The following TMEM117 variants were observed in gnomAD, a reference collection of about 807,000 sequenced individuals.
TMEM117 encodes transmembrane protein 117.
A neutral mutation model predicts 52.4 loss-of-function variants in TMEM117; 27 were observed. That is an observed-to-expected ratio of 0.51 (90% CI 0.38 to 0.71). TMEM117 has a LOEUF of 0.71. Among genes scored for constraint, TMEM117 ranks in the 30% least tolerant of loss-of-function variants. The probability of loss-of-function intolerance (pLI) is 0.00; values close to 1 mark genes in which losing one functional copy is unlikely to be tolerated. For missense variants in TMEM117, 556 were observed against 630.5 expected (o/e 0.88, Z 1.26); for synonymous variants, 215 against 206.3 (o/e 1.04, Z -0.36).
intron 6 of TMEM117, among the ~76,000 whole-genome samples, chr12:44,365,667 A>C (rs900910608): frequency 6.6e-6 from 1 of 152,064 alleles, no homozygotes; most frequent in Admixed American, 6.6e-5. Flanking sequence ...AATGCCTGGC[A>C]CAGAGAAAAT....
chr12:44,372,389 G>T (rs556830070), intron 6 of TMEM117, among the ~76,000 whole-genome samples: 1 of 152,114 alleles, frequency 6.6e-6, no homozygotes, highest in South Asian at 2.1e-4. Context: ...TATACAATCT[G>T]TATATAAAAC....
At chr12:44,040,382 GTTTC>G (rs1444219090) in intron 3 of TMEM117, among the ~76,000 whole-genome samples, 2 of 152,062 alleles carry the variant, frequency 1.3e-5, no homozygotes, top group Non-Finnish European at 2.9e-5. Flanking sequence ...CCACTGTTTA[GTTTC>G]TTTATGTTTT....
rs117051018 is a variant in TMEM117, at chr12:44,246,094, A to G, written c.608+34707A>G. ...ATGAGAATTATAAGCTCAGTTTCTC[A>G]AGCTGAGTCATATTACATTAACATT... On this transcript the variant is annotated intron_variant, in intron 5 of 7. Coordinates refer to ENST00000266534, the MANE Select transcript of TMEM117 (RefSeq NM_032256.3). Among the ~76,000 whole-genome samples the G allele has an allele frequency of 6.3e-3, 953 of 152,254 alleles. 4 individuals are homozygous for G. The highest frequency in any genetic ancestry group is 8.9e-3 in the Non-Finnish European group (605 of 67,974).
chr12:44,351,370 C>T lies in TMEM117; in HGVS notation c.769-25225C>T, dbSNP rs183794170. On this transcript the variant is annotated intron_variant, in intron 6 of 7. Coordinates refer to ENST00000266534, the MANE Select transcript of TMEM117 (RefSeq NM_032256.3). ...GAAGCTTTTTAAATTGATGTGATCC[C>T]GTCTTTCTATTTTTGCTTTGGTTTC... Among the ~76,000 whole-genome samples the T allele has an allele frequency of 1.6e-3, 244 of 151,846 alleles. 1 individual carries two copies. Among genetic ancestry groups the T allele is most frequent in the Non-Finnish European group, 1.4e-3 (98 of 67,918 alleles).
intron 4 of TMEM117, among the ~76,000 whole-genome samples, chr12:44,181,751 C>A (rs1191663465): frequency 4.0e-5 from 6 of 150,592 alleles, no homozygotes; most frequent in African/African-American, 1.2e-4. Flanking sequence ...GTTTTGGTTA[C>A]TGTAGCCTTG....
At chr12:44,196,446 C>G (rs1033912965) in intron 4 of TMEM117, among the ~76,000 whole-genome samples, 2 of 151,930 alleles carry the variant, frequency 1.3e-5, no homozygotes, top group Admixed American at 1.3e-4. Flanking sequence ...AAGATGTAAC[C>G]ATATGCTTCA....
chr12:44,290,031 C>G (rs377219879), intron 5 of TMEM117, among the ~76,000 whole-genome samples: 2 of 152,240 alleles, frequency 1.3e-5, no homozygotes, highest in East Asian at 3.9e-4. Context: ...TATTCACACC[C>G]CTTGCCCATT....
chr12:43,991,333 C>T lies in TMEM117; in HGVS notation c.410+46991C>T, dbSNP rs114094563. On this transcript the variant is annotated intron_variant, in intron 3 of 7. Transcript: ENST00000266534. ...TTGTTTCAAAATATCCTTGACAAAT[C>T]GTCACATAGTCTCCATTTGAGCACC... Among the ~76,000 whole-genome samples the T allele has an allele frequency of 2.3e-3, 347 of 152,226 alleles. 2 individuals carry two copies. Among genetic ancestry groups the T allele is most frequent in the African/African-American group, 7.4e-3 (309 of 41,550 alleles).
At chr12:44,000,173 T>C (rs1314282359) in intron 3 of TMEM117, among the ~76,000 whole-genome samples, 2 of 152,106 alleles carry the variant, frequency 1.3e-5, no homozygotes, top group African/African-American at 4.8e-5. Flanking sequence ...GGTGGTAAAC[T>C]CTGGGGCAAT....
At chr12:44,353,306 TC>T (rs1450512180) in intron 6 of TMEM117, among the ~76,000 whole-genome samples, 3 of 152,298 alleles carry the variant, frequency 2.0e-5, no homozygotes, top group Middle Eastern at 3.4e-3. Flanking sequence ...TTTAATTAGA[TC>T]CCATTTGTCA....
At chr12:44,203,882 T>G (rs1042496862) in intron 4 of TMEM117, among the ~76,000 whole-genome samples, 3 of 152,200 alleles carry the variant, frequency 2.0e-5, no homozygotes, top group African/African-American at 7.2e-5. Flanking sequence ...ATGGTTGATA[T>G]TAGAGTATGT....
chr12:44,363,548 A>C (rs2138815152), intron 6 of TMEM117, among the ~76,000 whole-genome samples: 1 of 152,330 alleles, frequency 6.6e-6, no homozygotes, highest in South Asian at 2.1e-4. Context: ...TAAACTACTG[A>C]CTTGAAAAAG....
intron 3 of TMEM117, among the ~76,000 whole-genome samples, chr12:43,974,241 T>G (rs1243991492): frequency 6.6e-6 from 1 of 152,178 alleles, no homozygotes; most frequent in Non-Finnish European, 1.5e-5. Context: ...TCTTGGAGAC[T>G]GCAGTGTCTA....
At chr12:44,307,647 G>A (rs921361751) in intron 6 of TMEM117, among the ~76,000 whole-genome samples, 1 of 152,164 alleles carries the variant, frequency 6.6e-6, no homozygotes, top group East Asian at 1.9e-4. Flanking sequence ...GTACAGCGGG[G>A]AGACAGAGTG....
At chr12:43,825,943 A>T in the TMEM117 span, among the ~76,000 whole-genome samples, 2 of 152,246 alleles carry the variant, frequency 1.3e-5, no homozygotes, top group Non-Finnish European at 2.9e-5. Flanking sequence ...TTGTATAAAC[A>T]ACTGCCTAAT....
chr12:43,906,541 C>T (rs747077615), intron 2 of TMEM117, among the ~76,000 whole-genome samples: 45 of 151,748 alleles, frequency 3.0e-4, no homozygotes, highest in African/African-American at 9.7e-4. Flanking sequence ...CCAGCGTGAG[C>T]GATGTAGAAG....
intron 3 of TMEM117, among the ~76,000 whole-genome samples, chr12:44,027,169 AT>A (rs771552651): frequency 0.015 from 1,894 of 122,774 alleles, 56 homozygotes; most frequent in Middle Eastern, 0.03. Flanking sequence ...ATTTTATTTT[AT>A]TTTATTTTAT....
intron 3 of TMEM117, among the ~76,000 whole-genome samples, chr12:43,967,980 G>A (rs191550261): frequency 1.2e-3 from 186 of 152,240 alleles, no homozygotes; most frequent in African/African-American, 4.1e-3. Flanking sequence ...CATTCTCTGC[G>A]CTGATTTTAT....
At chr12:44,147,502 G>A (rs1948660124) in intron 4 of TMEM117, among the ~76,000 whole-genome samples, 1 of 152,074 alleles carries the variant, frequency 6.6e-6, no homozygotes, top group Non-Finnish European at 1.5e-5. Flanking sequence ...TCTAGCCCCT[G>A]GTACATCCTG....
Sources: allele counts gnomAD v4.1 joint callset (sites outside exome capture counted in the v4.1 genomes callset), GRCh38; gene constraint gnomAD v4.1.1; transcripts MANE v1.5; gene names NCBI Gene and HGNC (gene_info 2026-07-23, HGNC 2026-07-21).